CRIM1: variants seen among roughly 807,000 people sequenced by gnomAD.
CRIM1 encodes the protein cysteine rich transmembrane BMP regulator 1, also known as cysteine-rich motor neuron 1 protein.
In CRIM1, 32 loss-of-function variants were observed where a neutral mutation model predicts 116.4. The ratio of observed to expected loss-of-function variants is 0.27; its 90% CI spans 0.21 to 0.37. The LOEUF (loss-of-function observed/expected upper bound fraction) is 0.37, where lower values mean the gene tolerates loss of function less well. CRIM1 is among the 10% of genes least tolerant of loss of function. The pLI is 1.00. For synonymous variants in CRIM1, 590 were observed against 509.2 expected, an observed-to-expected ratio of 1.16 and a Z score of -2.13; for missense variants, 1,331 against 1,354.8, an observed-to-expected ratio of 0.98 and a Z score of 0.28.
At chr2:36,496,705 G>A (rs2125080014) in intron 7 of CRIM1, among the ~76,000 whole-genome samples, 1 of 152,268 alleles carries the variant, frequency 6.6e-6, no homozygotes, top group South Asian at 2.1e-4. Context: ...CTCTCCTGGA[G>A]AAATGTGTGT....
intron 4 of CRIM1, among the ~76,000 whole-genome samples, chr2:36,449,869 T>G (rs541852032): frequency 7.6e-5 from 7 of 92,286 alleles, no homozygotes; most frequent in African/African-American, 3.1e-4. Context: ...TTAAACTTTC[T>G]TAAAAAAACA....
rs141998159 is a variant in CRIM1, at chr2:36,494,915, A to G, written c.1373-4304A>G. Reference sequence around the variant, plus strand: ...AGATAGAATTTCAAGGTGATCCTATAAACAGTACTTCACTGAATTTCCCCT... The same window carrying G: ...AGATAGAATTTCAAGGTGATCCTATGAACAGTACTTCACTGAATTTCCCCT... On this transcript the variant is annotated intron_variant, in intron 7 of 16. Transcript: ENST00000280527. Among the ~76,000 whole-genome samples the G allele has an allele frequency of 2.3e-3, 352 of 152,222 alleles. 1 individual carries two copies. Among genetic ancestry groups the G allele is most frequent in the African/African-American group, 7.9e-3 (328 of 41,548 alleles).
intron 2 of CRIM1, among the ~76,000 whole-genome samples, chr2:36,406,198 G>C (rs972838502): frequency 6.6e-6 from 1 of 152,134 alleles, no homozygotes; most frequent in African/African-American, 2.4e-5. Flanking sequence ...TACTATGAGA[G>C]TATTATATAG....
intron 7 of CRIM1, among the ~76,000 whole-genome samples, chr2:36,492,700 G>A (rs1680309869): frequency 6.6e-6 from 1 of 152,196 alleles, no homozygotes; most frequent in South Asian, 2.1e-4. Flanking sequence ...TGCTGTCTTG[G>A]CCAGCCTTAT....
At chr2:36,445,437 C>G (rs559443492) in intron 4 of CRIM1, among the ~76,000 whole-genome samples, 1 of 152,328 alleles carries the variant, frequency 6.6e-6, no homozygotes, top group Non-Finnish European at 1.5e-5. Context: ...GGTCTTCATG[C>G]TTCAACCAAC....
At chr2:36,366,744 CA>C (rs1669628275) in intron 1 of CRIM1, among the ~76,000 whole-genome samples, 1 of 152,156 alleles carries the variant, frequency 6.6e-6, no homozygotes. Flanking sequence ...ATCCAAAGGC[CA>C]CAGCAAAACG....
chr2:36,377,116 C>A (rs1670382046), intron 1 of CRIM1, among the ~76,000 whole-genome samples: 1 of 152,216 alleles, frequency 6.6e-6, no homozygotes, highest in South Asian at 2.1e-4. Flanking sequence ...CAGCCCTGCA[C>A]ACAGGTGTTT....
At chr2:36,361,940 T>C (rs1334694470) in intron 1 of CRIM1, among the ~76,000 whole-genome samples, 2 of 152,078 alleles carry the variant, frequency 1.3e-5, no homozygotes, top group Admixed American at 1.3e-4. Flanking sequence ...TTCTCAGAGG[T>C]CTAATTCTGC....
chr2:36,450,950 G>C (rs968548597), intron 4 of CRIM1, among the ~76,000 whole-genome samples: 2 of 152,136 alleles, frequency 1.3e-5, no homozygotes, highest in African/African-American at 4.8e-5. Context: ...AGAATTCACA[G>C]CCTGAAATTG....
intron 2 of CRIM1, among the ~76,000 whole-genome samples, chr2:36,401,388 G>C (rs981134574): frequency 5.3e-5 from 8 of 152,204 alleles, no homozygotes; most frequent in African/African-American, 1.9e-4. Flanking sequence ...CTGATAAAGG[G>C]AATGACCTGC....
intron 12 of CRIM1, 48 bp downstream of exon 12, chr2:36,517,590 T>C (rs372516193): frequency 6.4e-7 from 1 of 1,566,938 alleles, no homozygotes; most frequent in Non-Finnish European, 8.7e-7. Context: ...AGGATGCAGC[T>C]CTGGGTGTTG....
intron 2 of CRIM1, among the ~76,000 whole-genome samples, chr2:36,424,091 A>C (rs894157209): frequency 6.6e-6 from 1 of 152,256 alleles, no homozygotes; most frequent in Non-Finnish European, 1.5e-5. Flanking sequence ...GTTGGGCTAC[A>C]AGGAAACAAA....
chr2:36,538,596 C>T (rs1666721411), intron 14 of CRIM1, among the ~76,000 whole-genome samples: 1 of 152,200 alleles, frequency 6.6e-6, no homozygotes, highest in African/African-American at 2.4e-5. Context: ...GTGAGCTCTG[C>T]ACATGTTGGC....
At chr2:36,370,334 T>TA (rs1217793872) in intron 1 of CRIM1, among the ~76,000 whole-genome samples, 1 of 151,858 alleles carries the variant, frequency 6.6e-6, no homozygotes, top group Non-Finnish European at 1.5e-5. Context: ...GGTAAATAAG[T>TA]AAAATGAAAG....
intron 2 of CRIM1, among the ~76,000 whole-genome samples, chr2:36,430,782 G>C (rs1274329452): frequency 6.6e-6 from 1 of 152,190 alleles, no homozygotes; most frequent in African/African-American, 2.4e-5. Context: ...TCACCAGGGA[G>C]AGCCTTTATG....
At chr2:36,386,195 C>G (rs1671152571) in intron 1 of CRIM1, among the ~76,000 whole-genome samples, 2 of 152,156 alleles carry the variant, frequency 1.3e-5, no homozygotes, top group Admixed American at 1.3e-4. Context: ...TATTCATGTC[C>G]TCAAGTCACA....
chr2:36,498,844 G>C (rs755291669), intron 7 of CRIM1, among the ~76,000 whole-genome samples: 1 of 152,180 alleles, frequency 6.6e-6, no homozygotes, highest in Non-Finnish European at 1.5e-5. Context: ...GCTGTATCCT[G>C]ATTATTATAA....
At chr2:36,523,786 G>C (rs944855530) in intron 13 of CRIM1, among the ~76,000 whole-genome samples, 3 of 152,174 alleles carry the variant, frequency 2.0e-5, no homozygotes, top group Non-Finnish European at 4.4e-5. Context: ...TGGCATTTCT[G>C]ATAGATAAGC....
chr2:36,412,505 A>T (rs1212873008), intron 2 of CRIM1, among the ~76,000 whole-genome samples: 1 of 152,094 alleles, frequency 6.6e-6, no homozygotes, highest in African/African-American at 2.4e-5. Flanking sequence ...CAGTTCTGTC[A>T]CTGTTCAGTT....
Sources: gnomAD v4.1 joint callset for allele counts (sites outside exome capture counted in the v4.1 genomes callset) on GRCh38, gnomAD v4.1.1 for gene constraint, MANE v1.5 for transcripts, NCBI Gene and HGNC (gene_info 2026-07-23, HGNC 2026-07-21) for gene names.